GRIK1: variants seen among roughly 807,000 people sequenced by gnomAD.
GRIK1 encodes glutamate receptor ionotropic, kainate 1.
In GRIK1, 69 loss-of-function variants were observed where a neutral mutation model predicts 105.7. That is an observed-to-expected ratio of 0.65 (90% CI 0.54 to 0.80). The LOEUF (loss-of-function observed/expected upper bound fraction) is 0.80. Among genes scored for constraint, GRIK1 ranks in the 30% least tolerant of loss-of-function variants. GRIK1 has a pLI of 0.00. For synonymous variants in GRIK1, 438 were observed against 431.3 expected, an observed-to-expected ratio of 1.02 and a Z score of -0.19; for missense variants, 1,109 against 1,167.3, an observed-to-expected ratio of 0.95 and a Z score of 0.73.
intron 1 of GRIK1, among the ~76,000 whole-genome samples, chr21:29,787,446 G>C (rs1028380802): frequency 1.3e-5 from 2 of 152,178 alleles, no homozygotes; most frequent in African/African-American, 4.8e-5. Context: ...CTATCTGGAG[G>C]AGAGGGAGAG....
At chr21:29,635,030 C>A (rs952899352) in intron 7 of GRIK1, among the ~76,000 whole-genome samples, 1 of 152,100 alleles carries the variant, frequency 6.6e-6, no homozygotes, top group African/African-American at 2.4e-5. Flanking sequence ...TTTTAACAGT[C>A]CAGGTGAAAA....
chr21:29,725,963 T>C (rs943394325), intron 1 of GRIK1, among the ~76,000 whole-genome samples: 4 of 152,184 alleles, frequency 2.6e-5, no homozygotes, highest in African/African-American at 9.6e-5. Context: ...CATTAATACA[T>C]TTTCAAAAGG....
At chr21:29,572,004 G>C (rs1275604565) in intron 14 of GRIK1, among the ~76,000 whole-genome samples, 1 of 152,114 alleles carries the variant, frequency 6.6e-6, no homozygotes, top group East Asian at 1.9e-4. Context: ...CTCAAGAGAG[G>C]TTATTGTCTT....
intron 2 of GRIK1, among the ~76,000 whole-genome samples, chr21:29,690,958 A>C (rs1343553992): frequency 6.6e-6 from 1 of 152,194 alleles, no homozygotes; most frequent in Admixed American, 6.5e-5. Flanking sequence ...AATTCTCCTA[A>C]AGCATATTTT....
At chr21:29,574,513 C>A (rs960021434) in intron 14 of GRIK1, among the ~76,000 whole-genome samples, 2 of 152,172 alleles carry the variant, frequency 1.3e-5, no homozygotes, top group Non-Finnish European at 2.9e-5. Flanking sequence ...CTGACAAGGA[C>A]CATGATGAAT....
At chr21:29,552,093 A>C (rs2090144736) in intron 16 of GRIK1, among the ~76,000 whole-genome samples, 1 of 152,138 alleles carries the variant, frequency 6.6e-6, no homozygotes, top group Non-Finnish European at 1.5e-5. Flanking sequence ...GCTTTACTGG[A>C]GAAATATACA....
chr21:29,894,683 T>C (rs1385514059), intron 1 of GRIK1, among the ~76,000 whole-genome samples: 1 of 152,166 alleles, frequency 6.6e-6, no homozygotes, highest in Non-Finnish European at 1.5e-5. Flanking sequence ...ACAGGCCTTA[T>C]AAACACACTG....
chr21:29,672,822 G>C (rs2063184303), intron 4 of GRIK1, among the ~76,000 whole-genome samples, 161 bp downstream of exon 4: 1 of 152,166 alleles, frequency 6.6e-6, no homozygotes, highest in Non-Finnish European at 1.5e-5. Flanking sequence ...AACTCTCTGA[G>C]CCCCTTGCCT....
chr21:29,660,509 G>T (rs1024934692), intron 4 of GRIK1, among the ~76,000 whole-genome samples: 1 of 152,178 alleles, frequency 6.6e-6, no homozygotes, highest in Non-Finnish European at 1.5e-5. Flanking sequence ...AGACAGCAAT[G>T]AAAAATTCCT....
chr21:29,685,802 C>G (rs2063476933), intron 3 of GRIK1, among the ~76,000 whole-genome samples: 1 of 152,260 alleles, frequency 6.6e-6, no homozygotes, highest in African/African-American at 2.4e-5. Context: ...TCTCCTGACC[C>G]CCGGTATCCT....
intron 1 of GRIK1, among the ~76,000 whole-genome samples, chr21:29,717,894 C>T (rs1447226848): frequency 6.6e-6 from 1 of 152,094 alleles, no homozygotes; most frequent in African/African-American, 2.4e-5. Flanking sequence ...AATTTTAGTT[C>T]CCATAATTAC....
intron 1 of GRIK1, among the ~76,000 whole-genome samples, chr21:29,808,319 T>C (rs1004352166): frequency 1.6e-4 from 24 of 152,096 alleles, no homozygotes; most frequent in Admixed American, 4.6e-4. Context: ...CAACACCGAA[T>C]AGCTGGAAAT....
chr21:29,605,073 GT>G (rs2061586658), intron 7 of GRIK1, among the ~76,000 whole-genome samples: 1 of 151,756 alleles, frequency 6.6e-6, no homozygotes, highest in Non-Finnish European at 1.5e-5. Flanking sequence ...CAACTTTTGT[GT>G]TAAGATCAGG....
chr21:29,761,453 A>G (rs2065516261), intron 1 of GRIK1: 1 of 152,264 alleles, frequency 6.6e-6, no homozygotes, highest in South Asian at 2.1e-4. Flanking sequence ...TAGCTTAAGT[A>G]GAAATCTAAT....
intron 7 of GRIK1, among the ~76,000 whole-genome samples, chr21:29,617,086 A>G (rs2061868808): frequency 6.6e-6 from 1 of 152,228 alleles, no homozygotes. Context: ...GCAGATCTCT[A>G]ATTAGCAAAC....
intron 1 of GRIK1, among the ~76,000 whole-genome samples, chr21:29,810,174 G>C (rs907074963): frequency 1.3e-5 from 2 of 151,948 alleles, no homozygotes; most frequent in African/African-American, 4.8e-5. Flanking sequence ...GCGGGCACCT[G>C]GAATCCCAGC....
rs1315571156 is a variant in GRIK1 at position 29,590,217 on chromosome 21, A to G, written c.1365+895T>C. 2.6e-5 allele frequency among the ~76,000 whole-genome samples: 4 copies of G among 152,366 alleles called. No homozygotes were observed. In the East Asian group the frequency reaches 7.7e-4, roughly 29 times the overall value. ...AACCCTGTGTTTTCATAAGACAGTCATAGAGAAAGTAGTAACCAGAAGAGC... is the reference window on the plus strand; with the variant it reads ...AACCCTGTGTTTTCATAAGACAGTCGTAGAGAAAGTAGTAACCAGAAGAGC... On this transcript the variant is annotated intron_variant, in intron 10 of 17. Transcript: ENST00000327783.
At chr21:29,672,951 C>T (rs1164049552) in intron 4 of GRIK1, 32 bp downstream of exon 4, 1 of 1,507,468 alleles carries the variant, frequency 6.6e-7, no homozygotes, top group Non-Finnish European at 9.0e-7. Context: ...AACATTTATC[C>T]CACACCTCCA....
chr21:29,695,697 A>G (rs1343763879), intron 1 of GRIK1, among the ~76,000 whole-genome samples: 2 of 151,584 alleles, frequency 1.3e-5, no homozygotes, highest in Non-Finnish European at 2.9e-5. Context: ...CTGGTCTCAA[A>G]CTCCTGACTT....
Sources: gnomAD v4.1 joint callset for allele counts (sites outside exome capture counted in the v4.1 genomes callset) on GRCh38, gnomAD v4.1.1 for gene constraint, MANE v1.5 for transcripts, NCBI Gene and HGNC (gene_info 2026-07-23, HGNC 2026-07-21) for gene names.